The following ZMYM4 variants were observed in gnomAD, a reference collection of about 807,000 sequenced individuals.
The protein encoded by ZMYM4 is zinc finger MYM-type protein 4.
ZMYM4 carries 31 observed loss-of-function variants against 183.2 expected under a neutral mutation model. The ratio of observed to expected loss-of-function variants is 0.17; its 90% confidence interval spans 0.13 to 0.23. The LOEUF is 0.23. ZMYM4 is among the 10% of genes least tolerant of loss of function. The probability of loss-of-function intolerance (pLI) is 1.00; values close to 1 mark genes in which losing one functional copy is unlikely to be tolerated. For missense variants in ZMYM4, 1,273 were observed against 1,840.3 expected (o/e 0.69, Z 5.64); for synonymous variants, 592 against 631.2 (o/e 0.94, Z 0.93).
chr1:35,357,100 G>C (rs1394980227), intron 2 of ZMYM4, among the ~76,000 whole-genome samples: 6 of 152,120 alleles, frequency 3.9e-5, no homozygotes, highest in Non-Finnish European at 8.8e-5. Context: ...ATGTTGCCCA[G>C]GCTGGTCTTG....
chr1:35,403,715 TTAAC>T (rs956827278), intron 23 of ZMYM4, among the ~76,000 whole-genome samples: 4 of 138,106 alleles, frequency 2.9e-5, no homozygotes, highest in South Asian at 2.2e-4. Context: ...TATAATTTCT[TTAAC>T]TATGATAGAA....
At chr1:35,393,868 T>C (rs1644755605) in intron 18 of ZMYM4, 129 bp downstream of exon 18, 1 of 1,033,978 alleles carries the variant, frequency 9.7e-7, no homozygotes, top group Non-Finnish European at 1.3e-6. Flanking sequence ...CCAATTTAGT[T>C]CTCACAGCAT....
chr1:35,290,055 G>C (rs551849520), intron 1 of ZMYM4, among the ~76,000 whole-genome samples: 3 of 151,406 alleles, frequency 2.0e-5, no homozygotes, highest in South Asian at 4.2e-4. Flanking sequence ...GCAGCCCCTG[G>C]CTTCCGGGCT....
chr1:35,388,529 G>A (rs998558463), intron 13 of ZMYM4, among the ~76,000 whole-genome samples: 3 of 151,784 alleles, frequency 2.0e-5, no homozygotes, highest in Admixed American at 6.6e-5. Context: ...AAATAAAATC[G>A]ATGCAGTTTA....
intron 2 of ZMYM4, among the ~76,000 whole-genome samples, chr1:35,334,661 C>T (rs184012597): frequency 2.4e-3 from 372 of 152,256 alleles, no homozygotes; most frequent in Non-Finnish European, 3.7e-3. Context: ...TGGTGAGTCA[C>T]AGTAAGCACA....
chr1:35,398,374 C>G, intron 20 of ZMYM4, 39 bp from the exon 21 acceptor site: 3 of 1,569,286 alleles, frequency 1.9e-6, no homozygotes, highest in Non-Finnish European at 2.6e-6. Flanking sequence ...AATTTGTTGT[C>G]TAAACATAAA....
intron 1 of ZMYM4, among the ~76,000 whole-genome samples, chr1:35,296,215 T>C (rs1453791594): frequency 2.0e-5 from 3 of 152,130 alleles, no homozygotes; most frequent in Non-Finnish European, 2.9e-5. Flanking sequence ...AGTTGGGTGG[T>C]AGGTGTGCAG....
chr1:35,418,618 A>G (rs1640214938), intron 29 of ZMYM4, 46 bp downstream of exon 29: 1 of 1,602,792 alleles, frequency 6.2e-7, no homozygotes, highest in Non-Finnish European at 8.5e-7. Flanking sequence ...AAGGCAGTTA[A>G]CATATTTTGG....
intron 1 of ZMYM4, among the ~76,000 whole-genome samples, chr1:35,308,115 C>T (rs1027272400): frequency 6.6e-6 from 1 of 152,200 alleles, no homozygotes; most frequent in African/African-American, 2.4e-5. Context: ...CCTCAGCCTC[C>T]TGCGTAGCTG....
intron 2 of ZMYM4, among the ~76,000 whole-genome samples, chr1:35,349,858 A>G (rs572202803): frequency 4.0e-5 from 6 of 151,488 alleles, no homozygotes; most frequent in Admixed American, 1.3e-4. Flanking sequence ...AGTTTCTGTG[A>G]CTAAACAAAG....
chr1:35,320,075 T>A (rs992203661), intron 1 of ZMYM4, among the ~76,000 whole-genome samples: 1 of 152,222 alleles, frequency 6.6e-6, no homozygotes, highest in Admixed American at 6.5e-5. Flanking sequence ...GAAATACATA[T>A]TTGGTTTCTG....
intron 12 of ZMYM4, 73 bp downstream of exon 12, chr1:35,387,351 C>T: frequency 6.3e-7 from 1 of 1,578,086 alleles, no homozygotes; most frequent in Non-Finnish European, 8.6e-7. Flanking sequence ...TTTAACTTTG[C>T]ATCTCTCAAA....
At position 35,371,062 on chromosome 1, in the gene ZMYM4, A is replaced by AGTGTGT. The variant is rs67591506; in HGVS notation, c.1181+475_1181+480dup. Among the ~76,000 whole-genome samples the AGTGTGT allele has an allele frequency of 7.2e-3, 902 of 126,082 alleles. 3 individuals are homozygous for AGTGTGT. Among genetic ancestry groups the AGTGTGT allele is most frequent in the East Asian group, 8.3e-3 (38 of 4,578 alleles). The allele number at this position is 126,082 out of a possible 152,430, so 82.7% of individuals were successfully genotyped here. A position where few individuals can be genotyped will look rare whatever the true frequency, so the allele number is the denominator to read the frequency against. On this transcript the variant is annotated intron_variant, in intron 7 of 29. Coordinates refer to ENST00000314607, the MANE Select transcript of ZMYM4 (RefSeq NM_005095.3). ...TTCTTCTTAACCTTAAATGGCTTCCAGTGTGTGTGTGTGTGTGTGTGTGTG... is the reference window on the plus strand; with the variant it reads ...TTCTTCTTAACCTTAAATGGCTTCCAGTGTGTGTGTGTGTGTGTGTGTGTGTGTGTG...
At chr1:35,342,204 G>T (rs1294292552) in intron 2 of ZMYM4, among the ~76,000 whole-genome samples, 2 of 151,952 alleles carry the variant, frequency 1.3e-5, no homozygotes, top group African/African-American at 2.4e-5. Flanking sequence ...TCTGTTTCAG[G>T]AGTGCAGTGG....
intron 29 of ZMYM4, 103 bp from the exon 30 acceptor site, chr1:35,419,367 T>C: frequency 7.7e-7 from 1 of 1,293,536 alleles, no homozygotes; most frequent in South Asian, 1.4e-5. Context: ...TTTAATTACT[T>C]TTAATGGCAA....
chr1:35,308,336 C>T (rs1275759624), intron 1 of ZMYM4, among the ~76,000 whole-genome samples: 1 of 152,180 alleles, frequency 6.6e-6, no homozygotes, highest in Non-Finnish European at 1.5e-5. Flanking sequence ...ATAATATGTA[C>T]AGAGTACACC....
At chr1:35,391,221 G>A (rs1390767940) in intron 15 of ZMYM4, among the ~76,000 whole-genome samples, 2 of 152,126 alleles carry the variant, frequency 1.3e-5, no homozygotes, top group African/African-American at 4.8e-5. Flanking sequence ...AAGACGCAGC[G>A]GCTTGAGGGA....
intron 9 of ZMYM4, among the ~76,000 whole-genome samples, chr1:35,384,924 A>G (rs1326231972): frequency 1.3e-5 from 2 of 150,290 alleles, no homozygotes; most frequent in African/African-American, 2.5e-5. Context: ...GCTCGCTGCA[A>G]GCTCTGCCTC....
chr1:35,406,286 T>C (rs182122100), intron 25 of ZMYM4, among the ~76,000 whole-genome samples: 14 of 152,268 alleles, frequency 9.2e-5, no homozygotes, highest in Non-Finnish European at 1.8e-4. Flanking sequence ...ATCTGTCTGC[T>C]CCAAAGCTAT....
Sources: gnomAD v4.1 joint callset for allele counts (sites outside exome capture counted in the v4.1 genomes callset) on GRCh38, gnomAD v4.1.1 for gene constraint, MANE v1.5 for transcripts, NCBI Gene and HGNC (gene_info 2026-07-23, HGNC 2026-07-21) for gene names.